ADAMTS2: variants seen among roughly 807,000 people sequenced by gnomAD.
The protein encoded by ADAMTS2 is ADAM metallopeptidase with thrombospondin type 1 motif 2.
In ADAMTS2, 50 loss-of-function variants were observed where a neutral mutation model predicts 123.0. That is an observed-to-expected ratio of 0.41 (90% CI 0.32 to 0.51). The LOEUF (loss-of-function observed/expected upper bound fraction) is 0.51. ADAMTS2 is among the 20% of genes least tolerant of loss of function. ADAMTS2 has a pLI of 0.35. For synonymous variants in ADAMTS2, 678 were observed against 695.4 expected (o/e 0.98, Z 0.39); for missense variants, 1,494 against 1,705.2 (o/e 0.88, Z 2.18).
chr5:179,209,137 T>C (rs930969491), intron 3 of ADAMTS2, among the ~76,000 whole-genome samples: 3 of 152,164 alleles, frequency 2.0e-5, no homozygotes, highest in Non-Finnish European at 4.4e-5. Context: ...GGCAGCCTGG[T>C]ACCAGGCCCT....
chr5:179,207,608 A>G lies in ADAMTS2; in HGVS notation c.796T>C (p.Tyr266His). Residue 266 changes from tyrosine to histidine, a missense_variant, in exon 4 of 22, where the codon TAC (tyrosine) becomes CAC (histidine). Tyr to His is a moderately conservative substitution (Grantham distance 83). This residue lies in a region of ADAMTS2 where 184 missense variants were observed against 152.1 expected (regional missense o/e 1.21). Transcript: ENST00000251582. The stretch of plus-strand genomic sequence containing the variant: ...ACGCCCAGCAGGACCTCGATGTTGT[A>G]GTCATCGTCCGCAGCATGCCTGCGT... ...RARRHAADDDYNIEVLLGVDD... is the reference protein window; with the variant it reads ...RARRHAADDDHNIEVLLGVDD... The G allele has an allele frequency of 1.2e-6, 2 of 1,613,782 alleles. No homozygotes were observed. The highest frequency in any genetic ancestry group is 1.1e-5 in the South Asian group (1 of 91,084).
chr5:179,255,387 G>A (rs1318237601), intron 3 of ADAMTS2, among the ~76,000 whole-genome samples: 1 of 152,118 alleles, frequency 6.6e-6, no homozygotes, highest in Non-Finnish European at 1.5e-5. Flanking sequence ...ACATTTTTGG[G>A]GCAGAATCGG....
chr5:179,235,703 C>T (rs1362860442), intron 3 of ADAMTS2, among the ~76,000 whole-genome samples: 1 of 152,200 alleles, frequency 6.6e-6, no homozygotes, highest in Non-Finnish European at 1.5e-5. Flanking sequence ...GGTGGACCAC[C>T]TCTGCTCAGA....
rs1230414986 is a variant in ADAMTS2 at position 179,287,364 on chromosome 5, C to T, written c.535-14300G>A. 2.0e-5 allele frequency among the ~76,000 whole-genome samples: 3 copies of T among 152,310 alleles called. 1 individual carries two copies. Among genetic ancestry groups the T allele is most frequent in the South Asian group, 4.1e-4 (2 of 4,830 alleles). On this transcript the variant is annotated intron_variant, in intron 2 of 21. Coordinates refer to ENST00000251582, the MANE Select transcript of ADAMTS2 (RefSeq NM_014244.5). ...GTGCAGGCGCAGGGAGACAAGAATG[C>T]TGCACAGCCGGTGGGTGGTGGACGG...
At chr5:179,230,368 G>A (rs1264774112) in intron 3 of ADAMTS2, among the ~76,000 whole-genome samples, 2 of 152,142 alleles carry the variant, frequency 1.3e-5, no homozygotes, top group East Asian at 1.9e-4. Context: ...CATTGATGCC[G>A]AGATGCTCAG....
Position 179,161,988 on chromosome 5 carries a change from G to A in ADAMTS2, c.976-3109C>T, listed in dbSNP as rs573936603. ...TGGCAGGGCCCCTGCTGCAGTGTGA[G>A]TGTCTCCATCCAGGACACCCAGCAC... is the stretch of plus-strand genomic sequence containing the variant. On this transcript the variant is annotated intron_variant, in intron 5 of 21. Transcript: ENST00000251582. Among the ~76,000 whole-genome samples, 105 of 152,220 alleles carry A rather than the reference G, an allele frequency of 6.9e-4. 1 individual carries two copies. Among genetic ancestry groups the A allele is most frequent in the African/African-American group, 2.5e-3 (102 of 41,502 alleles).
At chr5:179,210,599 G>A (rs1764826138) in intron 3 of ADAMTS2, among the ~76,000 whole-genome samples, 1 of 152,258 alleles carries the variant, frequency 6.6e-6, no homozygotes. Flanking sequence ...AGGAGAGGAA[G>A]ACAGGGGCCT....
rs576079289 is a variant in ADAMTS2, at chr5:179,324,887, G to T, written c.534+18880C>A. ...TGATGAGAAGTTGGCCAGGCCTATGGGGTTCCCAGCATTCAGGCAAAAGCC... is the reference window on the plus strand; with the variant it reads ...TGATGAGAAGTTGGCCAGGCCTATGTGGTTCCCAGCATTCAGGCAAAAGCC... On this transcript the variant is annotated intron_variant, in intron 2 of 21. Transcript: ENST00000251582. 6.0e-5 allele frequency among the ~76,000 whole-genome samples: 9 copies of T among 149,868 alleles called. 1 individual carries two copies. The South Asian group carries it at 1.9e-3, about 32-fold the overall frequency.
chr5:179,161,280 G>A (rs1451435681), intron 5 of ADAMTS2, among the ~76,000 whole-genome samples: 3 of 152,130 alleles, frequency 2.0e-5, no homozygotes, highest in Non-Finnish European at 4.4e-5. Flanking sequence ...TCTCCAGCTA[G>A]GGGGTGAGCT....
At chr5:179,144,678 C>T (rs1763224776) in intron 10 of ADAMTS2, among the ~76,000 whole-genome samples, 1 of 152,184 alleles carries the variant, frequency 6.6e-6, no homozygotes, top group South Asian at 2.1e-4. Context: ...GGTTCTGAGA[C>T]AACTGGATAT....
At chr5:179,153,716 G>A (rs558564821) in intron 8 of ADAMTS2, 93 bp from the exon 9 acceptor site, 5 of 1,495,318 alleles carry the variant, frequency 3.3e-6, no homozygotes, top group East Asian at 2.4e-5. Context: ...GAGCTGCCAT[G>A]GCAGCCCTAC....
intron 4 of ADAMTS2, among the ~76,000 whole-genome samples, chr5:179,205,249 C>T (rs968932720): frequency 6.6e-6 from 1 of 152,212 alleles, no homozygotes; most frequent in African/African-American, 2.4e-5. Flanking sequence ...ACGGGCCCCA[C>T]ATTTGGTCAG....
intron 3 of ADAMTS2, among the ~76,000 whole-genome samples, chr5:179,257,963 G>A (rs923936944): frequency 6.6e-6 from 1 of 152,160 alleles, no homozygotes; most frequent in Non-Finnish European, 1.5e-5. Context: ...GCTGCTGGCC[G>A]ACCCCGTGTC....
At chr5:179,231,492 T>C (rs1381899603) in intron 3 of ADAMTS2, among the ~76,000 whole-genome samples, 1 of 152,200 alleles carries the variant, frequency 6.6e-6, no homozygotes, top group Non-Finnish European at 1.5e-5. Context: ...GATGTGCTGA[T>C]GGCGTCCCGG....
Position 179,154,570 on chromosome 5 carries a change from C to T in ADAMTS2, c.1238+244G>A, listed in dbSNP as rs535580325. Among the ~76,000 whole-genome samples, 103 of 152,354 alleles carry T rather than the reference C, an allele frequency of 6.8e-4. 1 individual carries two copies. The highest frequency in any genetic ancestry group is 2.4e-3 in the African/African-American group (100 of 41,588). On this transcript the variant is annotated intron_variant, in intron 7 of 21. Transcript: ENST00000251582. ...TGGATGTGATAATGGGGCAAGGTCC[C>T]CAGCTCTAGCTGGCCCAGAGCGCCT...
chr5:179,235,557 G>A lies in ADAMTS2; in HGVS notation c.689-27842C>T, dbSNP rs1294638622. On this transcript the variant is annotated intron_variant, in intron 3 of 21. Transcript: ENST00000251582. ...CCTTTGTCTCAGGTCCTAGGGGTTG[G>A]TGCTGCCAGGAACTCTCATAGGAGA... Among the ~76,000 whole-genome samples the A allele has an allele frequency of 3.3e-5, 5 of 152,210 alleles. No homozygotes were observed. The East Asian group carries it at 9.6e-4, about 29-fold the overall frequency.
chr5:179,139,473 A>G (rs968545926), intron 11 of ADAMTS2, among the ~76,000 whole-genome samples: 2 of 152,046 alleles, frequency 1.3e-5, no homozygotes, highest in Non-Finnish European at 2.9e-5. Flanking sequence ...TCCCCTGGGC[A>G]GCCAGACACT....
At position 179,139,925 on chromosome 5, in the gene ADAMTS2, G is replaced by A. The variant is rs745886151; in HGVS notation, c.1740C>T (p.Gly580=). 46 of 1,611,944 alleles carry A rather than the reference G, an allele frequency of 2.9e-5. No individual in the cohort carries two copies. Among genetic ancestry groups the A allele is most frequent in the Admixed American group, 5.0e-5 (3 of 59,998 alleles). The change falls in exon 11 of 22, where the codon GGC becomes GGT. Residue 580 remains glycine, a synonymous_variant. Coordinates refer to ENST00000251582, the MANE Select transcript of ADAMTS2 (RefSeq NM_014244.5). ...CACACTGGCGGGTCCTGAACTTCAC[G>A]CCCGTGCCACAGGTACGTGAGCAGG... The part of the protein sequence containing the change: ...FGSCSRTCGT[G]VKFRTRQCDN...
At chr5:179,139,358 G>T (rs1300079931) in intron 11 of ADAMTS2, among the ~76,000 whole-genome samples, 2 of 152,080 alleles carry the variant, frequency 1.3e-5, no homozygotes, top group Non-Finnish European at 2.9e-5. Flanking sequence ...GAATGAGAAG[G>T]GGCAGGAGGA....
Sources: gnomAD v4.1 joint callset for allele counts (sites outside exome capture counted in the v4.1 genomes callset) on GRCh38, gnomAD v4.1.1 for gene constraint, gnomAD v4.1.1 regional missense constraint, MANE v1.5 for transcripts, NCBI Gene and HGNC (gene_info 2026-07-23, HGNC 2026-07-21) for gene names.